The following DACH1 variants were observed in gnomAD, a reference collection of about 807,000 sequenced individuals.
DACH1 encodes dachshund homolog 1.
DACH1 carries 12 observed loss-of-function variants against 54.2 expected under a neutral mutation model. The ratio of observed to expected loss-of-function variants is 0.22; its 90% CI spans 0.14 to 0.36. DACH1 has a LOEUF of 0.36. Ranked by LOEUF, DACH1 falls within the 10% of genes least tolerant of loss-of-function variation. The pLI, the probability that DACH1 is intolerant of heterozygous loss-of-function variation, is 1.00. For missense variants in DACH1, 805 were observed against 929.8 expected, an observed-to-expected ratio of 0.87 and a Z score of 1.75; for synonymous variants, 386 against 366.2, an observed-to-expected ratio of 1.05 and a Z score of -0.62.
intron 2 of DACH1, among the ~76,000 whole-genome samples, chr13:71,668,168 T>G (rs995127477): frequency 6.6e-6 from 1 of 151,982 alleles, no homozygotes; most frequent in African/African-American, 2.4e-5. Flanking sequence ...TTTTATTGCC[T>G]TTAATATTAA....
chr13:71,742,234 T>A (rs1383911191), intron 1 of DACH1, among the ~76,000 whole-genome samples: 1 of 152,204 alleles, frequency 6.6e-6, no homozygotes, highest in Non-Finnish European at 1.5e-5. Flanking sequence ...TCTCTTTTTC[T>A]TCCCAGTGTC....
intron 6 of DACH1, among the ~76,000 whole-genome samples, chr13:71,541,925 GTTTTTTT>G (rs397720054): frequency 1.1e-4 from 12 of 105,834 alleles, no homozygotes; most frequent in African/African-American, 4.2e-4. Context: ...TATTTGCCCA[GTTTTTTT>G]TTTTTTTTTT....
chr13:71,450,636 G>A (rs1302961373), intron 10 of DACH1, among the ~76,000 whole-genome samples: 2 of 152,138 alleles, frequency 1.3e-5, no homozygotes, highest in Non-Finnish European at 2.9e-5. Context: ...GCATGTCAAA[G>A]TCCTAGACAG....
chr13:71,457,269 T>C (rs922566870), intron 10 of DACH1, among the ~76,000 whole-genome samples: 1 of 152,040 alleles, frequency 6.6e-6, no homozygotes, highest in Non-Finnish European at 1.5e-5. Context: ...TATTGCCATA[T>C]GGAACAATAT....
chr13:71,519,883 G>GTGTGTATATATATATATATATATATATA (rs552808622), intron 6 of DACH1, among the ~76,000 whole-genome samples: 1 of 29,330 alleles, frequency 3.4e-5, no homozygotes, highest in Non-Finnish European at 9.8e-5. Flanking sequence ...AACCAAAGTA[G>GTGTGTATATATATATATATATATATATA]TATATATATA....
At chr13:71,860,736 T>C (rs1360680789) in intron 1 of DACH1, among the ~76,000 whole-genome samples, 1 of 151,952 alleles carries the variant, frequency 6.6e-6, no homozygotes, top group African/African-American at 2.4e-5. Context: ...GCAATCGAAA[T>C]GACTATTTTA....
chr13:71,802,521 A>C (rs1887329510), intron 1 of DACH1, among the ~76,000 whole-genome samples: 1 of 152,068 alleles, frequency 6.6e-6, no homozygotes, highest in Non-Finnish European at 1.5e-5. Flanking sequence ...GCTAACAGAA[A>C]CAGAGAGCAA....
intron 1 of DACH1, among the ~76,000 whole-genome samples, chr13:71,839,879 T>A (rs915300691): frequency 1.3e-5 from 2 of 152,148 alleles, no homozygotes; most frequent in Non-Finnish European, 2.9e-5. Context: ...CTTTCAAGTC[T>A]TTCCATTTTA....
chr13:71,484,539 A>C (rs73213396), intron 7 of DACH1, among the ~76,000 whole-genome samples: 2,828 of 152,240 alleles, frequency 0.019, 35 homozygotes, highest in Non-Finnish European at 0.03. Flanking sequence ...ATGTAGGTAG[A>C]CTATAGTGAA....
chr13:71,818,536 T>C (rs909500767), intron 1 of DACH1, among the ~76,000 whole-genome samples: 4 of 152,166 alleles, frequency 2.6e-5, no homozygotes, highest in Non-Finnish European at 5.9e-5. Context: ...GGTTGTTAAT[T>C]ATCATCTCCG....
At chr13:71,774,945 C>T (rs1435574483) in intron 1 of DACH1, among the ~76,000 whole-genome samples, 1 of 151,836 alleles carries the variant, frequency 6.6e-6, no homozygotes, top group Non-Finnish European at 1.5e-5. Flanking sequence ...GATGTGAAAT[C>T]GGTGCCATCT....
In DACH1 at chr13:71,581,305, C is replaced by T. The variant is rs190430556; in HGVS notation, c.1127-8293G>A. ...TTTTTTATACAGAATCTCACTATTA[C>T]CCAGGCTGGAGAGCAGTGGTGCAAT... On this transcript the variant is annotated intron_variant, in intron 3 of 10. Transcript: ENST00000613252. Among the ~76,000 whole-genome samples the T allele has an allele frequency of 9.2e-5, 14 of 152,258 alleles. No individual in the cohort carries two copies. In the East Asian group the frequency reaches 2.5e-3, roughly 27 times the overall value.
intron 3 of DACH1, among the ~76,000 whole-genome samples, chr13:71,624,042 C>G (rs1876452102): frequency 6.6e-6 from 1 of 151,852 alleles, no homozygotes; most frequent in Non-Finnish European, 1.5e-5. Context: ...ACTGGTAATT[C>G]TCTATCTTGT....
chr13:71,845,029 C>T (rs1300065950), intron 1 of DACH1, among the ~76,000 whole-genome samples: 1 of 151,962 alleles, frequency 6.6e-6, no homozygotes, highest in Non-Finnish European at 1.5e-5. Context: ...TAAGAGGAGT[C>T]AATTCTAGTG....
At chr13:71,805,090 T>C (rs2138135258) in intron 1 of DACH1, among the ~76,000 whole-genome samples, 1 of 152,232 alleles carries the variant, frequency 6.6e-6, no homozygotes, top group East Asian at 1.9e-4. Context: ...AATACTCACA[T>C]GTCAGTAGCC....
chr13:71,616,390 A>C (rs1408200848), intron 3 of DACH1, among the ~76,000 whole-genome samples: 1 of 152,200 alleles, frequency 6.6e-6, no homozygotes, highest in East Asian at 1.9e-4. Flanking sequence ...GTAGCCTAAG[A>C]AATGAAAGTT....
intron 1 of DACH1, among the ~76,000 whole-genome samples, chr13:71,845,227 G>T (rs1258015271): frequency 6.6e-6 from 1 of 151,916 alleles, no homozygotes; most frequent in Non-Finnish European, 1.5e-5. Flanking sequence ...ATGTGCAATT[G>T]TTATATGTCA....
chr13:71,535,815 T>C (rs1438968086), intron 6 of DACH1, among the ~76,000 whole-genome samples: 1 of 152,020 alleles, frequency 6.6e-6, no homozygotes, highest in African/African-American at 2.4e-5. Flanking sequence ...CTTATATGAT[T>C]TTTTTTAAAA....
chr13:71,613,596 G>C (rs957522433), intron 3 of DACH1, among the ~76,000 whole-genome samples: 1 of 152,194 alleles, frequency 6.6e-6, no homozygotes, highest in Non-Finnish European at 1.5e-5. Flanking sequence ...ACTGGCAATG[G>C]ATGCAGTGCA....
Sources: allele counts gnomAD v4.1 joint callset (sites outside exome capture counted in the v4.1 genomes callset), GRCh38; gene constraint gnomAD v4.1.1; transcripts MANE v1.5; gene names NCBI Gene and HGNC (gene_info 2026-07-23, HGNC 2026-07-21).